Variants in SEMA5A observed in about 807,000 individuals in gnomAD.
SEMA5A encodes semaphorin-5A.
A neutral mutation model predicts 135.5 loss-of-function variants in SEMA5A; 55 were observed. That is an observed-to-expected ratio of 0.41 (90% CI 0.33 to 0.51). SEMA5A has a LOEUF of 0.51. Among genes scored for constraint, SEMA5A ranks in the 20% least tolerant of loss-of-function variants. SEMA5A has a pLI of 0.37. For missense variants in SEMA5A, 1,290 were observed against 1,419.9 expected (o/e 0.91, Z 1.47); for synonymous variants, 580 against 546.5 (o/e 1.06, Z -0.85).
intron 1 of SEMA5A, among the ~76,000 whole-genome samples, chr5:9,476,202 G>A (rs1461619055): frequency 1.3e-5 from 2 of 152,114 alleles, no homozygotes; most frequent in African/African-American, 4.8e-5. Context: ...AATAAAAAAA[G>A]CAATGAACAT....
rs1554044104 is a variant in SEMA5A at position 9,513,068 on chromosome 5, A to ATATAT, written c.-175+32515_-175+32516insATATA. 4.5e-3 allele frequency among the ~76,000 whole-genome samples: 643 copies of ATATAT among 143,696 alleles called. 1 individual carries two copies. The highest frequency in any genetic ancestry group is 0.011 in the South Asian group (52 of 4,594). The allele number at this position is 143,696 out of a possible 152,430, so 94.3% of individuals were successfully genotyped here. On this transcript the variant is annotated intron_variant, in intron 1 of 22. Transcript: ENST00000382496. ...AAATGAGATGCAAATATATATATAT[A>ATATAT]ATATATATATATATATATGCAAGCT...
chr5:9,141,567 TCAAA>T (rs1742067713), intron 12 of SEMA5A, among the ~76,000 whole-genome samples: 5 of 152,172 alleles, frequency 3.3e-5, no homozygotes, highest in Admixed American at 3.3e-4. Context: ...TTAATTTTTT[TCAAA>T]AACACACTTA....
chr5:9,351,501 T>C (rs898662923), intron 3 of SEMA5A, among the ~76,000 whole-genome samples: 1 of 152,160 alleles, frequency 6.6e-6, no homozygotes, highest in African/African-American at 2.4e-5. Context: ...AAGAAGTTTA[T>C]TGCCTTATGT....
intron 1 of SEMA5A, among the ~76,000 whole-genome samples, chr5:9,453,333 C>T (rs912294653): frequency 1.3e-5 from 2 of 152,168 alleles, no homozygotes; most frequent in African/African-American, 2.4e-5. Context: ...CAAGGCAATC[C>T]TATCACCTTC....
At chr5:9,523,048 T>C (rs1465017660) in intron 1 of SEMA5A, 1 of 152,190 alleles carries the variant, frequency 6.6e-6, no homozygotes, top group Non-Finnish European at 1.5e-5. Context: ...ACACAGCTAA[T>C]AAGAGTGTTT....
At chr5:9,143,049 A>C (rs1742152016) in intron 12 of SEMA5A, among the ~76,000 whole-genome samples, 2 of 152,232 alleles carry the variant, frequency 1.3e-5, no homozygotes, top group Admixed American at 6.5e-5. Context: ...CAGATCCTTC[A>C]ATTGGTAAAT....
At chr5:9,157,847 C>T (rs1743041606) in intron 11 of SEMA5A, among the ~76,000 whole-genome samples, 1 of 152,226 alleles carries the variant, frequency 6.6e-6, no homozygotes, top group Admixed American at 6.5e-5. Flanking sequence ...CCCGAAAAAC[C>T]CCATAGATTT....
At position 9,064,080 on chromosome 5, in the gene SEMA5A, C is replaced by T. The variant is rs144519585; in HGVS notation, c.2300-975G>A. Among the ~76,000 whole-genome samples, 870 of 152,272 alleles carry T rather than the reference C, an allele frequency of 5.7e-3. 4 individuals are homozygous for T. The highest frequency in any genetic ancestry group is 0.02 in the African/African-American group (832 of 41,560). ...AACAGCTCTCAGTGTTGTTAAGCAACTCTGTTGTTTACTTAGAAAATCTGT... is the reference window on the plus strand; with the variant it reads ...AACAGCTCTCAGTGTTGTTAAGCAATTCTGTTGTTTACTTAGAAAATCTGT... On this transcript the variant is annotated intron_variant, in intron 17 of 22. Transcript: ENST00000382496.
intron 6 of SEMA5A, 158 bp downstream of exon 6, chr5:9,237,670 T>A (rs1747982163): frequency 2.1e-6 from 1 of 471,326 alleles, no homozygotes; most frequent in African/African-American, 2.0e-5. Context: ...TAATTTAGTA[T>A]TAAAAACTTG....
chr5:9,243,944 T>C (rs1748344835), intron 5 of SEMA5A, among the ~76,000 whole-genome samples: 1 of 152,216 alleles, frequency 6.6e-6, no homozygotes, highest in South Asian at 2.1e-4. Flanking sequence ...TGTGCATGTC[T>C]AAGTTCAGAG....
intron 16 of SEMA5A, among the ~76,000 whole-genome samples, chr5:9,102,304 A>G (rs1739674719): frequency 1.3e-5 from 2 of 152,364 alleles, no homozygotes; most frequent in Middle Eastern, 3.4e-3. Flanking sequence ...TATGCTCTTG[A>G]AAATATTTTA....
At chr5:9,150,221 C>T (rs915659706) in intron 12 of SEMA5A, among the ~76,000 whole-genome samples, 2 of 152,180 alleles carry the variant, frequency 1.3e-5, no homozygotes, top group African/African-American at 4.8e-5. Flanking sequence ...GTCAGCTTTC[C>T]TGTCTTCCCC....
intron 11 of SEMA5A, among the ~76,000 whole-genome samples, chr5:9,184,406 G>C (rs1295934882): frequency 1.3e-5 from 2 of 152,070 alleles, no homozygotes; most frequent in Non-Finnish European, 2.9e-5. Context: ...CTTTATTGCA[G>C]GGTAATTTTC....
intron 9 of SEMA5A, among the ~76,000 whole-genome samples, chr5:9,200,316 C>G (rs1745635089): frequency 6.6e-6 from 1 of 152,154 alleles, no homozygotes; most frequent in South Asian, 2.1e-4. Flanking sequence ...GACCATACAC[C>G]ATCTTGCAAT....
At chr5:9,472,937 C>A (rs1162470520) in intron 1 of SEMA5A, among the ~76,000 whole-genome samples, 1 of 150,126 alleles carries the variant, frequency 6.7e-6, no homozygotes, top group Non-Finnish European at 1.5e-5. Context: ...AAAGTGAAAT[C>A]CTTTAAAAGC....
intron 1 of SEMA5A, chr5:9,516,952 C>A (rs552957590): frequency 6.6e-6 from 1 of 152,370 alleles, no homozygotes; most frequent in East Asian, 1.9e-4. Context: ...AGGATCTCTA[C>A]ATTCTACCAA....
intron 2 of SEMA5A, among the ~76,000 whole-genome samples, chr5:9,382,159 G>A (rs899294115): frequency 6.6e-6 from 1 of 152,102 alleles, no homozygotes; most frequent in Non-Finnish European, 1.5e-5. Flanking sequence ...AATTAGCCAG[G>A]CATAGTTGTG....
Position 9,044,374 on chromosome 5 carries a change from T to C in SEMA5A, c.3104A>G (p.Lys1035Arg). Residue 1035 changes from lysine to arginine, a missense_variant and splice_region_variant, in exon 22 of 23, where the codon AAG (lysine) becomes AGG (arginine). Physicochemically the swap from Lys to Arg is conservative, Grantham distance 26. Coordinates refer to ENST00000382496, the MANE Select transcript of SEMA5A (RefSeq NM_003966.3). ...LDKYDSVEAI[K>R]AFNKNNLILE... is the part of the protein sequence containing the mutation. ...GCAGAAATATTAAAATTCACTTACCTTGATGGCCTCCACCGAGTCGTACTT... is the reference window on the plus strand; with the variant it reads ...GCAGAAATATTAAAATTCACTTACCCTGATGGCCTCCACCGAGTCGTACTT... 1 of 1,612,346 alleles carries C rather than the reference T, an allele frequency of 6.2e-7. No homozygotes were observed. Among genetic ancestry groups the C allele is most frequent in the Non-Finnish European group, 8.5e-7 (1 of 1,179,236 alleles).
At chr5:9,183,470 G>A (rs1030980526) in intron 11 of SEMA5A, among the ~76,000 whole-genome samples, 1 of 152,158 alleles carries the variant, frequency 6.6e-6, no homozygotes, top group African/African-American at 2.4e-5. Flanking sequence ...CAGCAACAGC[G>A]CCACAGACGC....
Sources: gnomAD v4.1 joint callset for allele counts (sites outside exome capture counted in the v4.1 genomes callset) on GRCh38, gnomAD v4.1.1 for gene constraint, MANE v1.5 for transcripts, NCBI Gene and HGNC (gene_info 2026-07-23, HGNC 2026-07-21) for gene names.